Variants in SHC3 observed in about 807,000 individuals in gnomAD.
SHC3 encodes SHC adaptor protein 3.
SHC3 carries 15 observed loss-of-function variants against 60.4 expected under a neutral mutation model. The observed-to-expected ratio is 0.25, with a 90% CI of 0.17 to 0.38. The LOEUF (loss-of-function observed/expected upper bound fraction) is 0.38. Ranked by LOEUF, SHC3 falls within the 10% of genes least tolerant of loss-of-function variation. SHC3 has a pLI of 1.00. For synonymous variants in SHC3, 294 were observed against 325.9 expected, an observed-to-expected ratio of 0.90 and a Z score of 1.05; for missense variants, 677 against 786.1, an observed-to-expected ratio of 0.86 and a Z score of 1.66.
intron 6 of SHC3, among the ~76,000 whole-genome samples, chr9:89,057,091 G>A (rs911351480): frequency 1.3e-5 from 2 of 152,224 alleles, no homozygotes; most frequent in Non-Finnish European, 2.9e-5. Flanking sequence ...GGGAACCTTG[G>A]AGATATTCGA....
chr9:89,054,404 A>C (rs1439876546), intron 6 of SHC3, among the ~76,000 whole-genome samples: 3 of 152,188 alleles, frequency 2.0e-5, no homozygotes, highest in Non-Finnish European at 4.4e-5. Flanking sequence ...CTTTGGTCTG[A>C]GGATTCCTTC....
intron 1 of SHC3, among the ~76,000 whole-genome samples, chr9:89,156,984 GC>G (rs1826632280): frequency 6.6e-6 from 1 of 152,020 alleles, no homozygotes; most frequent in African/African-American, 2.4e-5. Context: ...TTATGACCTT[GC>G]CTATAACTTA....
intron 11 of SHC3, among the ~76,000 whole-genome samples, chr9:89,024,172 G>T (rs1018243730): frequency 2.0e-5 from 3 of 152,168 alleles, no homozygotes; most frequent in Admixed American, 2.0e-4. Context: ...ATGCTCCCCT[G>T]ATGTGTAAAG....
In SHC3 at chr9:89,112,550, G is replaced by A. The variant is rs1452014053; in HGVS notation, c.545+6C>T. 2 of 1,607,480 alleles carry A rather than the reference G, an allele frequency of 1.2e-6. No individual in the cohort carries two copies. Among genetic ancestry groups the A allele is most frequent in the East Asian group, 2.2e-5 (1 of 44,638 alleles). ...ATCACAGGAGTCCATTTTCAAGAGG[G>A]CTTACCTGGTAATTTGTGTTCTTGT... On this transcript the variant is annotated splice_donor_region_variant and intron_variant, in intron 2 of 11. Transcript: ENST00000375835.
chr9:89,033,272 TAC>T (rs1438887015), intron 11 of SHC3, among the ~76,000 whole-genome samples: 2 of 152,216 alleles, frequency 1.3e-5, no homozygotes, highest in African/African-American at 4.8e-5. Context: ...CTTTGATCTA[TAC>T]AGACTAAGTG....
intron 10 of SHC3, 75 bp downstream of exon 10, chr9:89,041,951 C>A: frequency 6.4e-7 from 1 of 1,568,350 alleles, no homozygotes; most frequent in Non-Finnish European, 8.7e-7. Context: ...TCAGTAATTA[C>A]ACAGATTTCA....
At chr9:89,128,799 A>G (rs775613505) in intron 1 of SHC3, among the ~76,000 whole-genome samples, 25 of 152,292 alleles carry the variant, frequency 1.6e-4, no homozygotes, top group Middle Eastern at 6.8e-3. Context: ...AGATTGGGAG[A>G]AACCAGAGCA....
intron 1 of SHC3, among the ~76,000 whole-genome samples, chr9:89,119,151 T>C (rs1005155342): frequency 1.1e-4 from 16 of 152,038 alleles, no homozygotes; most frequent in Non-Finnish European, 5.9e-5. Context: ...ATTATGTTTA[T>C]ATATGTGTGT....
chr9:89,093,961 G>T (rs1303816418), intron 2 of SHC3, among the ~76,000 whole-genome samples: 1 of 151,976 alleles, frequency 6.6e-6, no homozygotes, highest in Non-Finnish European at 1.5e-5. Flanking sequence ...AAAATTAGCT[G>T]GGTGTGGTGG....
intron 1 of SHC3, among the ~76,000 whole-genome samples, chr9:89,162,271 G>A (rs58628359): frequency 6.6e-6 from 1 of 151,106 alleles, no homozygotes; most frequent in Non-Finnish European, 1.5e-5. Flanking sequence ...CCAAAAAAGA[G>A]CCCGCATCGC....
In SHC3 at chr9:89,086,747, A is replaced by G. The variant is rs548730777; in HGVS notation, c.546-8844T>C. Among the ~76,000 whole-genome samples, 8 of 152,250 alleles carry G rather than the reference A, an allele frequency of 5.3e-5. No individual in the cohort carries two copies. The East Asian group carries it at 1.2e-3, about 22-fold the overall frequency. On this transcript the variant is annotated intron_variant, in intron 2 of 11. Transcript: ENST00000375835. ...TGTGACAAGCCCCCAGCCACCAGTC[A>G]CCTCATTAGCATACAAAAGACACAT... is the stretch of plus-strand genomic sequence containing the variant.
chr9:89,111,250 T>C (rs1488961704), intron 2 of SHC3, among the ~76,000 whole-genome samples: 2 of 152,198 alleles, frequency 1.3e-5, no homozygotes, highest in Non-Finnish European at 2.9e-5. Flanking sequence ...TCTCTCCCAA[T>C]TGACTGTCAT....
At chr9:89,038,468 A>G (rs1052486537) in intron 10 of SHC3, among the ~76,000 whole-genome samples, 180 bp from the exon 11 acceptor site, 2 of 152,208 alleles carry the variant, frequency 1.3e-5, no homozygotes, top group Non-Finnish European at 2.9e-5. Context: ...CATCATAACA[A>G]GCATTGAAAA....
chr9:89,172,536 C>T (rs1826884137), intron 1 of SHC3, among the ~76,000 whole-genome samples: 1 of 151,800 alleles, frequency 6.6e-6, no homozygotes, highest in East Asian at 1.9e-4. Flanking sequence ...CAGACACACA[C>T]ACACACGAAG....
chr9:89,059,318 C>CATTGTGGAGGATG (rs1825023032), intron 6 of SHC3, among the ~76,000 whole-genome samples: 1 of 25,852 alleles, frequency 3.9e-5, no homozygotes, highest in African/African-American at 2.5e-4. Flanking sequence ...TGGTGGAGGA[C>CATTGTGGAGGATG]GTTGTGGAGG....
intron 1 of SHC3, among the ~76,000 whole-genome samples, chr9:89,161,719 A>G (rs1826709746): frequency 6.6e-6 from 1 of 151,278 alleles, no homozygotes; most frequent in South Asian, 2.1e-4. Flanking sequence ...CCTATTCAAC[A>G]TAGTGTTGGA....
chr9:89,013,288 C>G lies in SHC3; in HGVS notation c.*159G>C. ...AATATGCATATGAGAAATTCAGAACCAAGTTTATGAAACTTGACCTTAAAG... is the reference window on the plus strand; with the variant it reads ...AATATGCATATGAGAAATTCAGAACGAAGTTTATGAAACTTGACCTTAAAG... On this transcript the variant is annotated 3_prime_UTR_variant, in exon 12 of 12. Coordinates refer to ENST00000375835, the MANE Select transcript of SHC3 (RefSeq NM_016848.6). The G allele has an allele frequency of 1.2e-6, 1 of 843,586 alleles. No homozygotes were observed. Among genetic ancestry groups the G allele is most frequent in the Non-Finnish European group, 1.7e-6 (1 of 604,454 alleles). The allele number at this position is 843,586 out of a possible 1,614,324, so 52.3% of individuals were successfully genotyped here. A position where few individuals can be genotyped will look rare whatever the true frequency, so the allele number is the denominator to read the frequency against.
intron 1 of SHC3, among the ~76,000 whole-genome samples, chr9:89,134,355 A>G (rs1222774430): frequency 6.6e-6 from 1 of 152,118 alleles, no homozygotes; most frequent in African/African-American, 2.4e-5. Context: ...CTTTGTGTGA[A>G]CATATTATCT....
At chr9:89,129,402 GA>G (rs1465290070) in intron 1 of SHC3, among the ~76,000 whole-genome samples, 12 of 152,146 alleles carry the variant, frequency 7.9e-5, no homozygotes, top group African/African-American at 2.9e-4. Flanking sequence ...AGGAAATACA[GA>G]GAATGACACA....
Sources: gnomAD v4.1 joint callset for allele counts (sites outside exome capture counted in the v4.1 genomes callset) on GRCh38, gnomAD v4.1.1 for gene constraint, MANE v1.5 for transcripts, NCBI Gene and HGNC (gene_info 2026-07-23, HGNC 2026-07-21) for gene names.